Variants in ZFYVE27 observed in about 807,000 individuals in gnomAD.
The protein encoded by ZFYVE27 is protrudin.
Under a neutral mutation model 52.8 loss-of-function variants are expected in ZFYVE27, and 36 were observed. That is an observed-to-expected ratio of 0.68 (90% CI 0.52 to 0.90). The LOEUF is 0.90. Ranked by LOEUF, ZFYVE27 falls within the 40% of genes least tolerant of loss-of-function variation. The pLI is 0.00. For missense variants in ZFYVE27, 450 were observed against 527.2 expected, an observed-to-expected ratio of 0.85 and a Z score of 1.43; for synonymous variants, 223 against 215.6, an observed-to-expected ratio of 1.03 and a Z score of -0.30.
At chr10:97,742,225 C>T (rs1227482570) in intron 2 of ZFYVE27, among the ~76,000 whole-genome samples, 1 of 152,068 alleles carries the variant, frequency 6.6e-6, no homozygotes, top group Non-Finnish European at 1.5e-5. Flanking sequence ...TAGTGGCTCA[C>T]CTATATATTG....
chr10:97,743,028 G>T (rs2044163676), intron 2 of ZFYVE27, 66 bp from the exon 3 acceptor site: 6 of 1,563,928 alleles, frequency 3.8e-6, no homozygotes, highest in Non-Finnish European at 5.3e-6. Flanking sequence ...CGTCTGTGCT[G>T]CCTGGTCTCC....
At chr10:97,748,505 G>A (rs1379933388) in intron 5 of ZFYVE27, 141 bp downstream of exon 5, 16 of 749,132 alleles carry the variant, frequency 2.1e-5, no homozygotes, top group Admixed American at 4.2e-5. Context: ...GTGTATATCT[G>A]CACATATGCT....
intron 3 of ZFYVE27, among the ~76,000 whole-genome samples, chr10:97,744,207 G>T (rs76708723): frequency 2.0e-5 from 3 of 152,204 alleles, no homozygotes; most frequent in Admixed American, 1.3e-4. Context: ...TTAGCTTGTT[G>T]TTGGGGTGCC....
intron 12 of ZFYVE27, 116 bp downstream of exon 12, chr10:97,757,839 T>A: frequency 1.0e-6 from 1 of 998,858 alleles, no homozygotes; most frequent in Non-Finnish European, 1.6e-6. Context: ...TAGTCAGGCC[T>A]ACGGGAACGT....
Position 97,744,255 on chromosome 10 carries a change from T to C in ZFYVE27, c.269-474T>C, listed in dbSNP as rs538285851. The stretch of plus-strand genomic sequence containing the variant: ...AGAAGTTCTTTCTTTGAATTTTATC[T>C]CGGCTTCGCCATTTCTCAAGGCACA... On this transcript the variant is annotated intron_variant, in intron 3 of 12. Coordinates refer to ENST00000684270, the MANE Select transcript of ZFYVE27 (RefSeq NM_001385875.1). Among the ~76,000 whole-genome samples, 19 of 152,372 alleles carry C rather than the reference T, an allele frequency of 1.2e-4. No homozygotes were observed. The East Asian group carries it at 3.7e-3, about 29-fold the overall frequency.
At position 97,746,485 on chromosome 10, in the gene ZFYVE27, C is replaced by T. The variant is rs190128782; in HGVS notation, c.455+1570C>T. Among the ~76,000 whole-genome samples, 367 of 152,250 alleles carry T rather than the reference C, an allele frequency of 2.4e-3. 1 individual carries two copies. Among genetic ancestry groups the T allele is most frequent in the Middle Eastern group, 0.01 (3 of 294 alleles). Reference sequence around the variant, plus strand: ...TACATATTCTTTTCTTTTTCCTAAACCATTTGAAAGTAAGTTGCAAACGTG... The same window carrying T: ...TACATATTCTTTTCTTTTTCCTAAATCATTTGAAAGTAAGTTGCAAACGTG... On this transcript the variant is annotated intron_variant, in intron 4 of 12. Coordinates refer to ENST00000684270, the MANE Select transcript of ZFYVE27 (RefSeq NM_001385875.1).
intron 4 of ZFYVE27, 124 bp from the exon 5 acceptor site, chr10:97,748,145 T>C: frequency 1.1e-6 from 1 of 918,282 alleles, no homozygotes; most frequent in Non-Finnish European, 1.7e-6. Flanking sequence ...TCCTCTCTCT[T>C]TAAGCACATG....
chr10:97,753,858 G>A lies in ZFYVE27; in HGVS notation c.1042+676G>A, dbSNP rs562161326. ...TTCTCTGGACGTGATAGAGCCCTGA[G>A]TTCACCTCTCCCCAGCCAGTCCTTA... On this transcript the variant is annotated intron_variant, in intron 10 of 12. Coordinates refer to ENST00000684270, the MANE Select transcript of ZFYVE27 (RefSeq NM_001385875.1). Among the ~76,000 whole-genome samples the A allele has an allele frequency of 2.6e-5, 4 of 152,342 alleles. No individual in the cohort carries two copies. In the South Asian group the frequency reaches 8.3e-4, roughly 32 times the overall value.
chr10:97,751,033 G>A (rs913952380), intron 7 of ZFYVE27, among the ~76,000 whole-genome samples: 1 of 152,182 alleles, frequency 6.6e-6, no homozygotes, highest in African/African-American at 2.4e-5. Context: ...GTGAGCCACT[G>A]CACCAGGCTG....
chr10:97,739,233 TTA>T (rs1491214121), intron 2 of ZFYVE27, among the ~76,000 whole-genome samples: 2 of 147,532 alleles, frequency 1.4e-5, no homozygotes, highest in African/African-American at 5.1e-5. Context: ...GCCTGGCTAA[TTA>T]AAAAAAAAAA....
At chr10:97,744,280 A>T (rs906021953) in intron 3 of ZFYVE27, among the ~76,000 whole-genome samples, 2 of 152,234 alleles carry the variant, frequency 1.3e-5, no homozygotes, top group African/African-American at 2.4e-5. Flanking sequence ...CTCAAGGCAC[A>T]ATCGTCTGCA....
At chr10:97,740,894 G>A (rs1289601220) in intron 2 of ZFYVE27, among the ~76,000 whole-genome samples, 1 of 152,172 alleles carries the variant, frequency 6.6e-6, no homozygotes, top group African/African-American at 2.4e-5. Context: ...TACTGCTTGG[G>A]TCTCCTGGGA....
chr10:97,744,656 C>A, intron 3 of ZFYVE27, 73 bp from the exon 4 acceptor site: 1 of 1,565,552 alleles, frequency 6.4e-7, no homozygotes, highest in Non-Finnish European at 8.7e-7. Flanking sequence ...GAGGAACAAG[C>A]AGTGGGCGTC....
At chr10:97,739,200 G>A (rs1209453910) in intron 2 of ZFYVE27, among the ~76,000 whole-genome samples, 2 of 148,218 alleles carry the variant, frequency 1.3e-5, no homozygotes, top group East Asian at 2.0e-4. Flanking sequence ...CAGCTCAAGC[G>A]ATCCTCCTAC....
intron 10 of ZFYVE27, chr10:97,754,676 G>A (rs2047899743): frequency 1.6e-6 from 2 of 1,289,222 alleles, no homozygotes. Context: ...TCAGTGATCT[G>A]TTTACCCTCC....
chr10:97,750,197 T>C (rs1342568415), intron 6 of ZFYVE27, 134 bp from the exon 7 acceptor site: 6 of 1,141,478 alleles, frequency 5.3e-6, no homozygotes, highest in Non-Finnish European at 7.7e-6. Flanking sequence ...GGTGACTCGC[T>C]CAGAGTTAGG....
intron 3 of ZFYVE27, 85 bp downstream of exon 3, chr10:97,743,249 GA>G: frequency 2.0e-6 from 3 of 1,482,754 alleles, no homozygotes; most frequent in Non-Finnish European, 1.9e-6. Flanking sequence ...CTATGTGTGG[GA>G]GCTGCTCTTG....
At chr10:97,759,134 TG>T in intron 12 of ZFYVE27, 101 bp from the exon 13 acceptor site, 1 of 1,238,374 alleles carries the variant, frequency 8.1e-7, no homozygotes, top group Non-Finnish European at 1.2e-6. Context: ...GTGGGCTGGG[TG>T]GGGGGTCTGT....
intron 4 of ZFYVE27, among the ~76,000 whole-genome samples, chr10:97,746,961 G>A (rs1040903585): frequency 1.3e-5 from 2 of 152,196 alleles, no homozygotes; most frequent in African/African-American, 4.8e-5. Context: ...AAAGTGCTGG[G>A]ACTACAGGTG....
Sources: allele counts gnomAD v4.1 joint callset (sites outside exome capture counted in the v4.1 genomes callset), GRCh38; gene constraint gnomAD v4.1.1; transcripts MANE v1.5; gene names NCBI Gene and HGNC (gene_info 2026-07-23, HGNC 2026-07-21).